Variants in RGS17 observed in about 807,000 individuals in gnomAD.
RGS17 encodes the protein regulator of G-protein signaling 17.
In RGS17, 12 loss-of-function variants were observed where a neutral mutation model predicts 25.5. That is an observed-to-expected ratio of 0.47 (90% CI 0.30 to 0.76). The LOEUF is 0.76. RGS17 is among the 30% of genes least tolerant of loss of function. The pLI is 0.07. For synonymous variants in RGS17, 71 were observed against 76.9 expected (o/e 0.92, Z 0.40); for missense variants, 196 against 242.2 (o/e 0.81, Z 1.27).
chr6:153,104,584 T>C (rs935401218), intron 1 of RGS17, among the ~76,000 whole-genome samples: 1 of 152,274 alleles, frequency 6.6e-6, no homozygotes, highest in African/African-American at 2.4e-5. Context: ...CATTAATTTA[T>C]TCAATAAACA....
intron 1 of RGS17, among the ~76,000 whole-genome samples, chr6:153,111,676 A>T (rs1468440630): frequency 6.6e-6 from 1 of 152,102 alleles, no homozygotes; most frequent in African/African-American, 2.4e-5. Flanking sequence ...GTTGACAGAC[A>T]CCTCATACAG....
At chr6:153,098,309 A>T (rs1777247679) in intron 1 of RGS17, among the ~76,000 whole-genome samples, 1 of 152,168 alleles carries the variant, frequency 6.6e-6, no homozygotes, top group South Asian at 2.1e-4. Context: ...CATTTCCATG[A>T]TGACCAACTA....
chr6:153,027,983 G>A (rs146309464), intron 2 of RGS17, among the ~76,000 whole-genome samples: 50 of 152,290 alleles, frequency 3.3e-4, no homozygotes, highest in African/African-American at 1.1e-3. Flanking sequence ...AAGTGCAAGC[G>A]TGAGGACGGA....
rs961240932 is a variant in RGS17, at chr6:153,009,568, A to G, written c.*2006T>C. The stretch of plus-strand genomic sequence containing the variant: ...AACATATTACTGAAAACTTATTCAA[A>G]TAGTATTTAAATGACATGAATAAAA... On this transcript the variant is annotated 3_prime_UTR_variant, in exon 5 of 5. Coordinates refer to ENST00000206262, the MANE Select transcript of RGS17 (RefSeq NM_012419.5). The G allele has an allele frequency of 1.3e-5, 2 of 151,994 alleles. No homozygotes were observed. The highest frequency in any genetic ancestry group is 6.6e-5 in the Admixed American group (1 of 15,262). 9.4% of individuals were successfully genotyped at this position (151,994 alleles called of 1,614,324 possible).
chr6:153,107,339 G>A (rs1381692023), intron 1 of RGS17, among the ~76,000 whole-genome samples: 1 of 152,090 alleles, frequency 6.6e-6, no homozygotes. Flanking sequence ...TGTCTCAAAA[G>A]AAAAGTAGTT....
intron 1 of RGS17, among the ~76,000 whole-genome samples, chr6:153,085,231 T>C (rs1163634089): frequency 1.3e-5 from 2 of 152,228 alleles, no homozygotes; most frequent in African/African-American, 2.4e-5. Context: ...CTTTTCTCTA[T>C]TGCTAGCCAT....
At chr6:153,060,644 T>C (rs1379344918) in intron 1 of RGS17, among the ~76,000 whole-genome samples, 6 of 152,094 alleles carry the variant, frequency 3.9e-5, no homozygotes, top group Non-Finnish European at 8.8e-5. Flanking sequence ...GCTGGAGCCA[T>C]TGTTCTATTT....
chr6:153,120,588 T>C (rs895588067), intron 1 of RGS17, among the ~76,000 whole-genome samples: 1 of 152,188 alleles, frequency 6.6e-6, no homozygotes, highest in Non-Finnish European at 1.5e-5. Context: ...CATGGACTGA[T>C]GAAGCGCCTG....
chr6:153,100,688 C>A (rs1777288674), intron 1 of RGS17, among the ~76,000 whole-genome samples: 1 of 152,140 alleles, frequency 6.6e-6, no homozygotes, highest in African/African-American at 2.4e-5. Context: ...ATGTTCTCTC[C>A]ATTTTAGAAG....
In RGS17 at chr6:153,070,701, G is replaced by GTGTGTGTGTGTGTA. The variant is rs1197990953; in HGVS notation, c.-25-26659_-25-26658insTACACACACACACA. The stretch of plus-strand genomic sequence containing the variant: ...TGTGTGTGTGTGTGTGTGTGTGTGT[G>GTGTGTGTGTGTGTA]TATATACATATATATATACACATAT... On this transcript the variant is annotated intron_variant, in intron 1 of 4. Coordinates refer to ENST00000206262, the MANE Select transcript of RGS17 (RefSeq NM_012419.5). Among the ~76,000 whole-genome samples the GTGTGTGTGTGTGTA allele has an allele frequency of 2.5e-3, 257 of 104,720 alleles. 3 individuals carry two copies. The highest frequency in any genetic ancestry group is 8.1e-3 in the African/African-American group (238 of 29,458). The allele number at this position is 104,720 out of a possible 152,430, so 68.7% of individuals were successfully genotyped here.
chr6:153,006,585 G>T lies in RGS17; in HGVS notation c.*4989C>A, dbSNP rs1166444069. 1 of 152,524 alleles carries T rather than the reference G, an allele frequency of 6.6e-6. No homozygotes were observed. The allele number at this position is 152,524 out of a possible 1,614,324, so 9.4% of individuals were successfully genotyped here. On this transcript the variant is annotated 3_prime_UTR_variant, in exon 5 of 5. Coordinates refer to ENST00000206262, the MANE Select transcript of RGS17 (RefSeq NM_012419.5). ...ATCTTAAAACATGATTGTATGTTTTGATGAGTAGCTAAATCAGATGTTTAA... is the reference window on the plus strand; with the variant it reads ...ATCTTAAAACATGATTGTATGTTTTTATGAGTAGCTAAATCAGATGTTTAA...
chr6:153,015,452 C>T (rs1257468386), intron 4 of RGS17, among the ~76,000 whole-genome samples: 1 of 152,170 alleles, frequency 6.6e-6, no homozygotes, highest in Non-Finnish European at 1.5e-5. Context: ...GCAATACCAG[C>T]CTGATGAGTC....
chr6:153,073,450 T>A (rs984293102), intron 1 of RGS17, among the ~76,000 whole-genome samples: 9 of 152,160 alleles, frequency 5.9e-5, no homozygotes, highest in African/African-American at 2.2e-4. Context: ...TCCCAGAAAG[T>A]AACCAAGGGT....
intron 2 of RGS17, among the ~76,000 whole-genome samples, chr6:153,040,193 A>G (rs1776304639): frequency 1.3e-5 from 2 of 152,172 alleles, no homozygotes; most frequent in Non-Finnish European, 2.9e-5. Flanking sequence ...TGGGGGGAGA[A>G]AGTGCCTCTA....
At chr6:153,020,114 ATATAT>A in intron 4 of RGS17, among the ~76,000 whole-genome samples, 1 of 52,286 alleles carries the variant, frequency 1.9e-5, no homozygotes. Flanking sequence ...AAAAAAAAAT[ATATAT>A]ATATATATAT....
Position 153,012,692 on chromosome 6 carries a change from C to T in RGS17, c.445-930G>A, listed in dbSNP as rs186520923. Among the ~76,000 whole-genome samples the T allele has an allele frequency of 1.2e-3, 180 of 152,282 alleles. 2 individuals are homozygous for T. Among genetic ancestry groups the T allele is most frequent in the African/African-American group, 4.2e-3 (176 of 41,556 alleles). ...ACCACTCAAAGTCCAGATTGTTTTC[C>T]TCGATCCTCACTGTTTAGCAAGGAA... is the stretch of plus-strand genomic sequence containing the variant. On this transcript the variant is annotated intron_variant, in intron 4 of 4. Transcript: ENST00000206262.
chr6:153,111,892 T>C (rs1208953416), intron 1 of RGS17, among the ~76,000 whole-genome samples: 2 of 151,982 alleles, frequency 1.3e-5, no homozygotes, highest in Non-Finnish European at 2.9e-5. Context: ...AGCATCAACA[T>C]CAACAAAAAG....
chr6:153,108,631 A>G (rs1417491382), intron 1 of RGS17, among the ~76,000 whole-genome samples: 1 of 150,554 alleles, frequency 6.6e-6, no homozygotes, highest in South Asian at 2.1e-4. Flanking sequence ...TACTGCAATT[A>G]ATACATTTGT....
chr6:153,056,313 G>T (rs1776557439), intron 1 of RGS17, among the ~76,000 whole-genome samples: 1 of 152,132 alleles, frequency 6.6e-6, no homozygotes, highest in African/African-American at 2.4e-5. Context: ...CTGAAGAAGA[G>T]AAAGATAATC....
Sources: allele counts gnomAD v4.1 joint callset (sites outside exome capture counted in the v4.1 genomes callset), GRCh38; gene constraint gnomAD v4.1.1; transcripts MANE v1.5; gene names NCBI Gene and HGNC (gene_info 2026-07-23, HGNC 2026-07-21).